RBM26: variants seen among roughly 807,000 people sequenced by gnomAD.
The protein encoded by RBM26 is RNA-binding protein 26.
In RBM26, 30 loss-of-function variants were observed where a neutral mutation model predicts 123.6. The ratio of observed to expected loss-of-function variants is 0.24; its 90% CI spans 0.18 to 0.33. The LOEUF is 0.33. Among genes scored for constraint, RBM26 ranks in the 10% least tolerant of loss-of-function variants. RBM26 has a pLI of 1.00. For synonymous variants in RBM26, 400 were observed against 404.4 expected (o/e 0.99, Z 0.13); for missense variants, 947 against 1,203.6 (o/e 0.79, Z 3.15).
At chr13:79,404,342 G>A (rs9574420) in intron 1 of RBM26, among the ~76,000 whole-genome samples, 73,190 of 151,944 alleles carry the variant, frequency 0.48, 18,169 homozygotes, top group East Asian at 0.72. Flanking sequence ...GGATCTGCCT[G>A]TCTCCACCAT....
chr13:79,401,178 T>C (rs2079030236), intron 1 of RBM26, among the ~76,000 whole-genome samples: 3 of 152,060 alleles, frequency 2.0e-5, no homozygotes, highest in Non-Finnish European at 4.4e-5. Context: ...CGAACAAAAA[T>C]AAATTTTAAT....
chr13:79,396,407 G>A (rs2078568602), intron 1 of RBM26, among the ~76,000 whole-genome samples: 3 of 152,042 alleles, frequency 2.0e-5, no homozygotes, highest in African/African-American at 4.8e-5. Context: ...GCAACCAAAG[G>A]TATAATTAAA....
intron 14 of RBM26, among the ~76,000 whole-genome samples, chr13:79,346,614 A>C (rs2072380309): frequency 6.6e-6 from 1 of 152,094 alleles, no homozygotes; most frequent in Non-Finnish European, 1.5e-5. Flanking sequence ...GAGCTCAAGC[A>C]ATCTTCCTGC....
At chr13:79,377,192 T>C in intron 3 of RBM26, 187 bp downstream of exon 3, 2 of 501,762 alleles carry the variant, frequency 4.0e-6, no homozygotes, top group Non-Finnish European at 3.5e-6. Flanking sequence ...TTTATATCCT[T>C]TTGCTGAAAT....
rs761700316 is a variant in RBM26 at position 79,377,424 on chromosome 13, C to T, written c.282G>A (p.Lys94=). 1 of 1,613,874 alleles carries T rather than the reference C, an allele frequency of 6.2e-7. No homozygotes were observed. Among genetic ancestry groups the T allele is most frequent in the Non-Finnish European group, 8.5e-7 (1 of 1,179,816 alleles). Residue 94 remains lysine (K), a synonymous_variant, in exon 3 of 22, where the codon AAG becomes AAA. Coordinates refer to ENST00000438737, the MANE Select transcript of RBM26 (RefSeq NM_001366735.2). The part of the protein sequence containing the change: ...PPEQPSSGSL[K]VEFFPHQEKD... ...TTTCTTGGTGTGGAAAAAATTCTACCTTCAGGCTTCCTGATGATGGCTGCT... is the reference window on the plus strand; with the variant it reads ...TTTCTTGGTGTGGAAAAAATTCTACTTTCAGGCTTCCTGATGATGGCTGCT...
In RBM26 at chr13:79,376,004, T is replaced by TTCC. The variant is rs562545123; in HGVS notation, c.327+1372_327+1374dup. Among the ~76,000 whole-genome samples the TTCC allele has an allele frequency of 1.2e-4, 18 of 152,142 alleles. 1 individual carries two copies. The East Asian group carries it at 2.9e-3, about 25-fold the overall frequency. ...TGCTTTATATACATTATTTTACTTA[T>TTCC]TCCTCACAAGAACCTTTAATATTTC... On this transcript the variant is annotated intron_variant, in intron 3 of 21. Coordinates refer to ENST00000438737, the MANE Select transcript of RBM26 (RefSeq NM_001366735.2).
In RBM26 at chr13:79,378,897, C is replaced by G; in HGVS notation, c.82G>C (p.Asp28His). The G allele has an allele frequency of 6.2e-7, 1 of 1,600,674 alleles. No homozygotes were observed. Among genetic ancestry groups the G allele is most frequent in the Non-Finnish European group, 8.5e-7 (1 of 1,173,064 alleles). ...ACATATTTTGCTAGGGCGGATGGAT[C>G]TGCATCACAGCTAAAGAAAAAAACC... ...SKTLEPICDA[D>H]PSALAKYVLA... is the part of the protein sequence containing the mutation. The change falls in exon 2 of 22, where the codon GAT (aspartate) becomes CAT (histidine). Residue 28 changes from aspartate to histidine, a missense_variant. Coordinates refer to ENST00000438737, the MANE Select transcript of RBM26 (RefSeq NM_001366735.2).
At position 79,358,259 on chromosome 13, in the gene RBM26, T is replaced by C; in HGVS notation, c.1689+15A>G. On this transcript the variant is annotated intron_variant, in intron 11 of 21. Coordinates refer to ENST00000438737, the MANE Select transcript of RBM26 (RefSeq NM_001366735.2). ...ACAGAAAGAAGAGATAACAAAACCATTTCATGGCTCTTACCTGTAAGTTAA... is the reference window on the plus strand; with the variant it reads ...ACAGAAAGAAGAGATAACAAAACCACTTCATGGCTCTTACCTGTAAGTTAA... 1 of 1,569,976 alleles carries C rather than the reference T, an allele frequency of 6.4e-7. No homozygotes were observed. Among genetic ancestry groups the C allele is most frequent in the African/African-American group, 1.4e-5 (1 of 72,164 alleles).
exon 5 of RBM26, chr13:79,313,460 C>T (rs1304573691): frequency 6.6e-6 from 1 of 151,960 alleles, no homozygotes; most frequent in Admixed American, 6.6e-5. Flanking sequence ...ATCCATTAAA[C>T]AATCAACACT....
chr13:79,394,428 AG>A (rs2078378807), intron 1 of RBM26, among the ~76,000 whole-genome samples: 1 of 152,116 alleles, frequency 6.6e-6, no homozygotes, highest in African/African-American at 2.4e-5. Context: ...TTCTGTCAAG[AG>A]GGCAAATAAA....
intron 3 of RBM26, among the ~76,000 whole-genome samples, chr13:79,373,421 TAA>T (rs1477676324): frequency 1.9e-4 from 2 of 10,584 alleles, no homozygotes; most frequent in South Asian, 3.8e-3. Context: ...TATATATAAA[TAA>T]AATATAAATA....
intron 13 of RBM26, 94 bp downstream of exon 13, chr13:79,354,345 T>C: frequency 1.8e-6 from 2 of 1,094,656 alleles, no homozygotes; most frequent in Non-Finnish European, 2.4e-6. Flanking sequence ...TATTTCTATG[T>C]AAAATATATA....
At chr13:79,328,683 TAAAAAAAA>T (rs747906560) in intron 20 of RBM26, among the ~76,000 whole-genome samples, 8 of 38,480 alleles carry the variant, frequency 2.1e-4, no homozygotes, top group African/African-American at 8.6e-4. Context: ...CTGCATTAAG[TAAAAAAAA>T]AAAAAAAAAA....
chr13:79,404,965 T>G (rs906225062), intron 1 of RBM26, among the ~76,000 whole-genome samples: 4 of 152,186 alleles, frequency 2.6e-5, no homozygotes, highest in African/African-American at 9.7e-5. Flanking sequence ...ATCAACCAAT[T>G]CTGATTAAGC....
chr13:79,341,274 G>T, intron 17 of RBM26, 47 bp from the exon 18 acceptor site: 1 of 1,199,088 alleles, frequency 8.3e-7, no homozygotes, highest in Non-Finnish European at 1.2e-6. Context: ...TTACTATCCT[G>T]TATTGATACA....
chr13:79,386,361 C>A (rs1254272781), intron 1 of RBM26, among the ~76,000 whole-genome samples: 1 of 151,206 alleles, frequency 6.6e-6, no homozygotes, highest in Non-Finnish European at 1.5e-5. Context: ...TTCCAGGAAT[C>A]CTGATATCAC....
rs755198247 is a variant in RBM26, at chr13:79,365,646, T to C, written c.1349A>G (p.His450Arg). Reference sequence around the variant, plus strand: ...GTTGGGCCTTTGTGCATGCACTCTGTGTCTATACATAGGTCTGGAAGTGTT... The same window carrying C: ...GTTGGGCCTTTGTGCATGCACTCTGCGTCTATACATAGGTCTGGAAGTGTT... ...ITNTSRPMYRHRVHAQRPNLI... is the reference protein window; with the variant it reads ...ITNTSRPMYRRRVHAQRPNLI... The change falls in exon 9 of 22, where the codon CAC becomes CGC. Residue 450 changes from histidine (H) to arginine (R), a missense_variant. Around this residue, in one of 5 missense-constraint regions of RBM26, gnomAD observed 493 missense variants for 563.1 expected, o/e 0.88. Coordinates refer to ENST00000438737, the MANE Select transcript of RBM26 (RefSeq NM_001366735.2). The C allele has an allele frequency of 6.2e-7, 1 of 1,613,990 alleles. No individual in the cohort carries two copies. The highest frequency in any genetic ancestry group is 8.5e-7 in the Non-Finnish European group (1 of 1,179,850).
chr13:79,319,859 G>T lies in RBM26; in HGVS notation c.*762C>A. On this transcript the variant is annotated 3_prime_UTR_variant, in exon 22 of 22. Transcript: ENST00000438737. ...TCCTTTTGTGATAATTGGGGGGAAG[G>T]GTAGATCACCATCTGGAATGGTCTA... 1 of 978,796 alleles carries T rather than the reference G, an allele frequency of 1.0e-6. No homozygotes were observed. Among genetic ancestry groups the T allele is most frequent in the Non-Finnish European group, 1.2e-6 (1 of 825,512 alleles). 60.6% of individuals were successfully genotyped at this position (978,796 alleles called of 1,614,324 possible). A position where few individuals can be genotyped will look rare whatever the true frequency, so the allele number is the denominator to read the frequency against.
chr13:79,386,371 C>T (rs2077478427), intron 1 of RBM26, among the ~76,000 whole-genome samples: 1 of 150,386 alleles, frequency 6.6e-6, no homozygotes, highest in Admixed American at 6.6e-5. Context: ...CCTGATATCA[C>T]ACTTGAGAAC....
Sources: allele counts gnomAD v4.1 joint callset (sites outside exome capture counted in the v4.1 genomes callset), GRCh38; gene constraint gnomAD v4.1.1; regional missense constraint gnomAD v4.1.1; transcripts MANE v1.5; gene names NCBI Gene and HGNC (gene_info 2026-07-23, HGNC 2026-07-21).